The following CNTN5 variants were observed in gnomAD, a reference collection of about 807,000 sequenced individuals.
The protein encoded by CNTN5 is contactin 5, also known as contactin-5.
In CNTN5, 77 loss-of-function variants were observed where a neutral mutation model predicts 129.1. The ratio of observed to expected loss-of-function variants is 0.60; its 90% CI spans 0.50 to 0.72. The LOEUF (loss-of-function observed/expected upper bound fraction) is 0.72, where lower values mean the gene tolerates loss of function less well. Ranked by LOEUF, CNTN5 falls within the 30% of genes least tolerant of loss-of-function variation. The pLI is 0.00. For missense variants in CNTN5, 1,478 were observed against 1,328.8 expected (o/e 1.11, Z -1.75); for synonymous variants, 509 against 465.6 (o/e 1.09, Z -1.20).
At chr11:99,896,596 G>T (rs930264327) in intron 6 of CNTN5, among the ~76,000 whole-genome samples, 1 of 152,104 alleles carries the variant, frequency 6.6e-6, no homozygotes, top group Non-Finnish European at 1.5e-5. Flanking sequence ...ACAATCATGG[G>T]TTATTCCTCT....
At chr11:99,698,281 A>ATAACT (rs10668177) in intron 3 of CNTN5, among the ~76,000 whole-genome samples, 132,398 of 150,718 alleles carry the variant, frequency 0.88, 58,273 homozygotes, top group Middle Eastern at 0.9. Context: ...AAAAATAAAG[A>ATAACT]TAAGAATATT....
intron 2 of CNTN5, among the ~76,000 whole-genome samples, chr11:99,496,136 C>T (rs1050557559): frequency 2.0e-5 from 3 of 152,138 alleles, no homozygotes; most frequent in African/African-American, 7.2e-5. Context: ...ATTCTTTATA[C>T]ATGCTTATTA....
rs1863688462 is a variant in CNTN5 at position 99,035,754 on chromosome 11, A to AC, written c.-210+14484_-210+14485insC. Among the ~76,000 whole-genome samples, 13 of 139,680 alleles carry AC rather than the reference A, an allele frequency of 9.3e-5. No individual in the cohort carries two copies. In the South Asian group the frequency reaches 3.1e-3, roughly 33 times the overall value. The allele number at this position is 139,680 out of a possible 152,430, so 91.6% of individuals were successfully genotyped here. A position where few individuals can be genotyped will look rare whatever the true frequency, so the allele number is the denominator to read the frequency against. ...GCCAGTCTGTGTCTTTTAATTGGAG[A>AC]ATTTAGTCCATTTACATTTAAAGTT... On this transcript the variant is annotated intron_variant, in intron 1 of 24. Coordinates refer to ENST00000524871, the MANE Select transcript of CNTN5 (RefSeq NM_014361.4).
intron 3 of CNTN5, among the ~76,000 whole-genome samples, chr11:99,577,258 T>G (rs1416074466): frequency 6.6e-6 from 1 of 152,204 alleles, no homozygotes; most frequent in Non-Finnish European, 1.5e-5. Flanking sequence ...GTTGTAGCTC[T>G]GCCTGCTTGT....
chr11:100,296,351 C>A (rs1185742052), intron 18 of CNTN5, among the ~76,000 whole-genome samples: 1 of 151,434 alleles, frequency 6.6e-6, no homozygotes, highest in Non-Finnish European at 1.5e-5. Context: ...CATCATTTTT[C>A]TCAGTTGAAT....
At chr11:100,296,694 C>T (rs1263366680) in intron 18 of CNTN5, among the ~76,000 whole-genome samples, 1 of 151,488 alleles carries the variant, frequency 6.6e-6, no homozygotes, top group East Asian at 1.9e-4. Context: ...TTCTTCCTTT[C>T]CAGGAGTATA....
intron 1 of CNTN5, among the ~76,000 whole-genome samples, chr11:99,170,579 C>T (rs1357603491): frequency 1.3e-5 from 2 of 152,218 alleles, no homozygotes; most frequent in South Asian, 4.1e-4. Flanking sequence ...TAATGAATAT[C>T]TTAATTGAGA....
intron 3 of CNTN5, among the ~76,000 whole-genome samples, chr11:99,735,712 T>C (rs1342729829): frequency 6.6e-6 from 1 of 152,222 alleles, no homozygotes; most frequent in East Asian, 1.9e-4. Context: ...GTTGTACAAC[T>C]TGATGTATTG....
intron 15 of CNTN5, among the ~76,000 whole-genome samples, chr11:100,210,347 C>CAAAAAAAA (rs374618789): frequency 1.2e-5 from 1 of 80,916 alleles, no homozygotes. Flanking sequence ...GAGACTATCT[C>CAAAAAAAA]AAAAAAAAAA....
At chr11:99,034,054 T>C (rs1198941212) in intron 1 of CNTN5, among the ~76,000 whole-genome samples, 1 of 152,222 alleles carries the variant, frequency 6.6e-6, no homozygotes, top group African/African-American at 2.4e-5. Flanking sequence ...TGGTTCTGTT[T>C]ATATGCTGGA....
At position 99,645,813 on chromosome 11, in the gene CNTN5, G is replaced by A. The variant is rs185475337; in HGVS notation, c.55+89544G>A. 1.6e-4 allele frequency among the ~76,000 whole-genome samples: 25 copies of A among 151,688 alleles called. No individual in the cohort carries two copies. In the East Asian group the frequency reaches 4.3e-3, roughly 26 times the overall value. On this transcript the variant is annotated intron_variant, in intron 3 of 24. Transcript: ENST00000524871. Reference sequence around the variant, plus strand: ...GGGCCTGTCGGGGTGGGGGGCTAGGGGAGCGAGAGCATTAGGAGAAATACC... The same window carrying A: ...GGGCCTGTCGGGGTGGGGGGCTAGGAGAGCGAGAGCATTAGGAGAAATACC...
intron 15 of CNTN5, among the ~76,000 whole-genome samples, 189 bp from the exon 16 acceptor site, chr11:100,224,503 T>C (rs543950828): frequency 6.6e-6 from 1 of 152,288 alleles, no homozygotes; most frequent in Non-Finnish European, 1.5e-5. Context: ...ACCCCTTTAT[T>C]AGCAATTGTT....
In CNTN5 at chr11:99,302,029, G is replaced by A. The variant is rs188945372; in HGVS notation, c.-209-23317G>A. ...TAGGAGTTATAAAATACTTTGAAAT[G>A]AGGGAAAAGAAAAACACAATATGTC... On this transcript the variant is annotated intron_variant, in intron 1 of 24. Transcript: ENST00000524871. Among the ~76,000 whole-genome samples the A allele has an allele frequency of 3.1e-3, 475 of 151,672 alleles. 4 individuals are homozygous for A. Among genetic ancestry groups the A allele is most frequent in the African/African-American group, 0.011 (449 of 41,494 alleles).
intron 9 of CNTN5, among the ~76,000 whole-genome samples, chr11:100,012,521 A>G (rs1940591968): frequency 6.6e-6 from 1 of 152,148 alleles, no homozygotes; most frequent in Non-Finnish European, 1.5e-5. Context: ...TATTATTCAC[A>G]TTTAGAGTCA....
At chr11:100,024,214 AG>A (rs1456301525) in intron 9 of CNTN5, among the ~76,000 whole-genome samples, 15 of 152,116 alleles carry the variant, frequency 9.9e-5, no homozygotes, top group Non-Finnish European at 1.0e-4. Flanking sequence ...TGGTTTTGTA[AG>A]GGTCGCTTTC....
chr11:99,815,043 GC>G (rs11414540), intron 3 of CNTN5, among the ~76,000 whole-genome samples: 1 of 151,834 alleles, frequency 6.6e-6, no homozygotes, highest in South Asian at 2.1e-4. Context: ...GGGGGAAACT[GC>G]CCCCCTGACT....
chr11:99,833,923 G>A (rs547458966), intron 4 of CNTN5, among the ~76,000 whole-genome samples: 3 of 152,224 alleles, frequency 2.0e-5, no homozygotes, highest in Admixed American at 1.3e-4. Flanking sequence ...ATTCAAGGAT[G>A]TAACTTTCAT....
intron 2 of CNTN5, among the ~76,000 whole-genome samples, chr11:99,339,023 T>C (rs998602323): frequency 6.7e-6 from 1 of 149,508 alleles, no homozygotes; most frequent in Non-Finnish European, 1.5e-5. Context: ...ACTAGAAATA[T>C]AGCCATGAAT....
chr11:99,594,389 T>C (rs1449957012), intron 3 of CNTN5, among the ~76,000 whole-genome samples: 1 of 152,146 alleles, frequency 6.6e-6, no homozygotes, highest in Admixed American at 6.5e-5. Context: ...GTTGCTGATA[T>C]CTGGACAAAG....
Sources: allele counts gnomAD v4.1 joint callset (sites outside exome capture counted in the v4.1 genomes callset), GRCh38; gene constraint gnomAD v4.1.1; transcripts MANE v1.5; gene names NCBI Gene and HGNC (gene_info 2026-07-23, HGNC 2026-07-21).